The following PTK2 variants were observed in gnomAD, a reference collection of about 807,000 sequenced individuals.
PTK2 encodes the protein protein tyrosine kinase 2, also known as focal adhesion kinase 1.
A neutral mutation model predicts 150.1 loss-of-function variants in PTK2; 45 were observed. The observed-to-expected ratio is 0.30, with a 90% CI of 0.24 to 0.38. PTK2 has a LOEUF of 0.38. Among genes scored for constraint, PTK2 ranks in the 10% least tolerant of loss-of-function variants. The pLI, the probability that PTK2 is intolerant of heterozygous loss-of-function variation, is 1.00. For missense variants in PTK2, 919 were observed against 1,307.3 expected (o/e 0.70, Z 4.58); for synonymous variants, 432 against 449.2 (o/e 0.96, Z 0.48).
chr8:141,000,274 G>A (rs979168455), intron 1 of PTK2, among the ~76,000 whole-genome samples: 26 of 152,334 alleles, frequency 1.7e-4, no homozygotes, highest in Middle Eastern at 3.4e-3. Flanking sequence ...ACTCCAGTGA[G>A]GACTTCAGTG....
At chr8:140,751,361 T>G (rs1000783971) in intron 17 of PTK2, among the ~76,000 whole-genome samples, 2 of 152,164 alleles carry the variant, frequency 1.3e-5, no homozygotes, top group Non-Finnish European at 2.9e-5. Context: ...AATTTTTTCA[T>G]AGAGACGGGG....
At chr8:140,669,440 G>A (rs2094449645) in intron 29 of PTK2, 1 of 368,062 alleles carries the variant, frequency 2.7e-6, no homozygotes, top group South Asian at 7.5e-5. Context: ...TGAACCCTTG[G>A]GTGCTTTTGC....
intron 23 of PTK2, among the ~76,000 whole-genome samples, chr8:140,708,215 C>G (rs10108814): frequency 0.39 from 58,614 of 151,856 alleles, 12,593 homozygotes; most frequent in Non-Finnish European, 0.49. Flanking sequence ...GTGTCTGTCT[C>G]TCTCTCCCAC....
intron 7 of PTK2, among the ~76,000 whole-genome samples, chr8:140,839,196 C>T (rs960281005): frequency 1.3e-5 from 2 of 152,086 alleles, no homozygotes; most frequent in African/African-American, 4.8e-5. Context: ...GGTTTCTGGA[C>T]CGACGGTACC....
At chr8:140,847,719 C>T (rs2100126462) in intron 5 of PTK2, among the ~76,000 whole-genome samples, 3 of 152,136 alleles carry the variant, frequency 2.0e-5, no homozygotes, top group Admixed American at 1.3e-4. Context: ...CATTTTGCCT[C>T]GTTCCTGAAA....
chr8:140,979,180 C>T (rs1232141093), intron 1 of PTK2, among the ~76,000 whole-genome samples: 1 of 150,730 alleles, frequency 6.6e-6, no homozygotes, highest in African/African-American at 2.4e-5. Flanking sequence ...TTAATGGGTG[C>T]AGCACACCAA....
chr8:140,684,428 G>A (rs1016287432), intron 27 of PTK2, among the ~76,000 whole-genome samples: 1 of 152,268 alleles, frequency 6.6e-6, no homozygotes, highest in African/African-American at 2.4e-5. Context: ...CTCCTGCTGT[G>A]TGGCCCAGTT....
chr8:140,994,400 T>C (rs900111002), intron 1 of PTK2, among the ~76,000 whole-genome samples: 6 of 152,248 alleles, frequency 3.9e-5, no homozygotes, highest in African/African-American at 9.6e-5. Context: ...ATCAGTGCCA[T>C]TTATTCAACA....
At chr8:140,758,037 G>A (rs935763378) in intron 16 of PTK2, among the ~76,000 whole-genome samples, 1 of 148,828 alleles carries the variant, frequency 6.7e-6, no homozygotes, top group Non-Finnish European at 1.5e-5. Context: ...ACTATACTTT[G>A]TTTTTCTTTT....
chr8:140,751,741 C>T (rs1245349120), intron 17 of PTK2, among the ~76,000 whole-genome samples: 4 of 152,180 alleles, frequency 2.6e-5, no homozygotes, highest in African/African-American at 4.8e-5. Flanking sequence ...ATCTGCCTGC[C>T]TTGGCCTCCC....
chr8:140,967,135 A>C (rs1395123732), intron 1 of PTK2, among the ~76,000 whole-genome samples: 6 of 152,316 alleles, frequency 3.9e-5, no homozygotes, highest in African/African-American at 1.4e-4. Context: ...AGAAGTTACT[A>C]AGTTTTCCAG....
intron 22 of PTK2, among the ~76,000 whole-genome samples, chr8:140,724,331 T>C (rs771963936): frequency 1.3e-5 from 2 of 152,228 alleles, no homozygotes; most frequent in Non-Finnish European, 2.9e-5. Flanking sequence ...CCTGCCTCAT[T>C]TACCACTAGG....
rs138894966 is a variant in PTK2, at chr8:140,734,484, G to C, written c.2030+767C>G. 1.3e-3 allele frequency among the ~76,000 whole-genome samples: 195 copies of C among 152,322 alleles called. 1 individual carries two copies. Among genetic ancestry groups the C allele is most frequent in the Middle Eastern group, 6.8e-3 (2 of 294 alleles). ...TAAGACACAATGATGCCCGTCAAGA[G>C]CTCTGAGTGTAGCTGGGGACATGCA... On this transcript the variant is annotated intron_variant, in intron 22 of 31. Transcript: ENST00000522684.
chr8:140,693,519 C>T (rs2100024405), intron 26 of PTK2, among the ~76,000 whole-genome samples: 1 of 132,670 alleles, frequency 7.5e-6, no homozygotes, highest in African/African-American at 2.8e-5. Context: ...TAGTATTGTG[C>T]CACTGCACTC....
At chr8:140,841,768 T>C (rs1414102352) in intron 7 of PTK2, among the ~76,000 whole-genome samples, 3 of 151,970 alleles carry the variant, frequency 2.0e-5, no homozygotes, top group East Asian at 1.9e-4. Context: ...ATTTAAAATA[T>C]AGTTAATTTA....
At chr8:140,700,777 T>C (rs1179392757) in intron 26 of PTK2, 114 bp downstream of exon 29, 5 of 1,376,460 alleles carry the variant, frequency 3.6e-6, no homozygotes, top group African/African-American at 1.5e-5. Flanking sequence ...TTTTAAGAAG[T>C]AGTTGTAAAA....
rs548173970 is a variant in PTK2 at position 140,766,556 on chromosome 8, A to G, written c.1178-2266T>C. Among the ~76,000 whole-genome samples, 454 of 152,370 alleles carry G rather than the reference A, an allele frequency of 3.0e-3. 1 individual carries two copies. Among genetic ancestry groups the G allele is most frequent in the Non-Finnish European group, 5.1e-3 (344 of 68,026 alleles). ...ACCTCTCTAGAATGGAACAGCCACC[A>G]GAGTGGAACCTTCACGTATCTTGCT... On this transcript the variant is annotated intron_variant, in intron 14 of 31. Transcript: ENST00000522684.
At chr8:140,702,460 C>T in intron 25 of PTK2, 110 bp downstream of exon 28, 1 of 1,341,060 alleles carries the variant, frequency 7.5e-7, no homozygotes, top group Admixed American at 2.1e-5. Flanking sequence ...CTCAAGCAAT[C>T]CTCCTACTTC....
chr8:140,709,790 G>A (rs2100035795), intron 23 of PTK2, among the ~76,000 whole-genome samples: 1 of 152,146 alleles, frequency 6.6e-6, no homozygotes, highest in South Asian at 2.1e-4. Flanking sequence ...GAACAGGGAA[G>A]TTTTGCTGAA....
Sources: gnomAD v4.1 joint callset for allele counts (sites outside exome capture counted in the v4.1 genomes callset) on GRCh38, gnomAD v4.1.1 for gene constraint, MANE v1.5 for transcripts, NCBI Gene and HGNC (gene_info 2026-07-23, HGNC 2026-07-21) for gene names.